Variants in RASA3 observed in about 807,000 individuals in gnomAD.
The protein encoded by RASA3 is ras GTPase-activating protein 3.
In RASA3, 73 loss-of-function variants were observed where a neutral mutation model predicts 110.0. The ratio of observed to expected loss-of-function variants is 0.66; its 90% CI spans 0.55 to 0.81. The LOEUF is 0.81. Among genes scored for constraint, RASA3 ranks in the 30% least tolerant of loss-of-function variants. RASA3 has a pLI of 0.00. For synonymous variants in RASA3, 500 were observed against 451.4 expected, an observed-to-expected ratio of 1.11 and a Z score of -1.37; for missense variants, 976 against 1,113.2, an observed-to-expected ratio of 0.88 and a Z score of 1.75.
Position 113,981,965 on chromosome 13 carries a change from C to A in RASA3, c.2246-107G>T, listed in dbSNP as rs531657266. 8 of 1,004,590 alleles carry A rather than the reference C, an allele frequency of 8.0e-6. No individual in the cohort carries two copies. The South Asian group carries it at 1.0e-4, about 13-fold the overall frequency. 62.2% of individuals were successfully genotyped at this position (1,004,590 alleles called of 1,614,324 possible). A position where few individuals can be genotyped will look rare whatever the true frequency, so the allele number is the denominator to read the frequency against. On this transcript the variant is annotated intron_variant, in intron 22 of 23. Transcript: ENST00000334062. ...CCACCCACAGTACACATCCTTCCAA[C>A]GCAAGCTCCTCCAGAAAGGGCTGAC...
intron 1 of RASA3, among the ~76,000 whole-genome samples, chr13:114,123,496 G>A (rs192722992): frequency 2.6e-5 from 4 of 152,336 alleles, no homozygotes; most frequent in South Asian, 2.1e-4. Flanking sequence ...TGGCTCCAAC[G>A]CCACACGAAC....
chr13:113,977,790 G>A lies in RASA3; in HGVS notation c.*1557C>T, dbSNP rs1490367308. On this transcript the variant is annotated 3_prime_UTR_variant, in exon 24 of 24. Transcript: ENST00000334062. ...GGAAAACCAAGGCAGTCCTCAGAAA[G>A]AATAAAACATCTGTTTTAATTGGCC... 6.6e-6 allele frequency: 1 copy of A among 152,368 alleles called. No individual in the cohort carries two copies. Among genetic ancestry groups the A allele is most frequent in the East Asian group, 1.9e-4 (1 of 5,184 alleles). The allele number at this position is 152,368 out of a possible 1,614,324, so 9.4% of individuals were successfully genotyped here. A position where few individuals can be genotyped will look rare whatever the true frequency, so the allele number is the denominator to read the frequency against.
chr13:114,011,774 T>A lies in RASA3; in HGVS notation c.1513-526A>T, dbSNP rs763469235. 1.5e-4 allele frequency among the ~76,000 whole-genome samples: 23 copies of A among 151,790 alleles called. No homozygotes were observed. Among genetic ancestry groups the A allele is most frequent in the Non-Finnish European group, 2.6e-4 (18 of 67,950 alleles). ...CCCATCTCTAATAAAAATACAAAAT[T>A]AGCTGGGCGTGGTGGCGCACGTCTG... On this transcript the variant is annotated intron_variant, in intron 15 of 23. Coordinates refer to ENST00000334062, the MANE Select transcript of RASA3 (RefSeq NM_007368.4). This position sits in a 1 kb window ranked among gnomAD's most constrained non-coding sequence, Gnocchi z 4.8.
intron 21 of RASA3, among the ~76,000 whole-genome samples, chr13:113,993,806 T>TAA (rs35450759): frequency 0.032 from 2,761 of 85,304 alleles, 112 homozygotes; most frequent in African/African-American, 0.065. Flanking sequence ...AGACTCTGCC[T>TAA]AAAAAAAAAA....
Position 114,014,703 on chromosome 13 carries a change from T to C in RASA3, c.1405+506A>G, listed in dbSNP as rs1008298682. On this transcript the variant is annotated intron_variant, in intron 14 of 23. Transcript: ENST00000334062. The surrounding 1 kb of genome is among the most constrained non-coding windows in gnomAD (Gnocchi z 4.5). The stretch of plus-strand genomic sequence containing the variant: ...CCTAGGGGATCTCCGGCTTGGGGGT[T>C]TGAAGAAAGGGCAGCTCCCCCAGGG... Among the ~76,000 whole-genome samples, 2 of 151,918 alleles carry C rather than the reference T, an allele frequency of 1.3e-5. No individual in the cohort carries two copies. The highest frequency in any genetic ancestry group is 2.4e-5 in the African/African-American group (1 of 41,360).
chr13:114,113,137 A>G (rs955121512), intron 1 of RASA3, among the ~76,000 whole-genome samples: 55 of 152,312 alleles, frequency 3.6e-4, no homozygotes, highest in African/African-American at 1.2e-3. Context: ...CCAGAGCCCA[A>G]CAGCTGCTGT....
intron 1 of RASA3, among the ~76,000 whole-genome samples, chr13:114,104,629 A>G (rs1434970729): frequency 6.6e-6 from 1 of 152,200 alleles, no homozygotes; most frequent in Non-Finnish European, 1.5e-5. Flanking sequence ...GGAGAACCAC[A>G]GCCAAAAGCC....
At chr13:114,015,149 G>C in intron 14 of RASA3, 60 bp downstream of exon 14, 1 of 1,596,330 alleles carries the variant, frequency 6.3e-7, no homozygotes, top group Non-Finnish European at 8.6e-7. Flanking sequence ...CTGGGTGGGA[G>C]TCACCCTGCA....
At chr13:114,026,908 T>C (rs749867730) in intron 7 of RASA3, among the ~76,000 whole-genome samples, 3 of 152,222 alleles carry the variant, frequency 2.0e-5, no homozygotes, top group East Asian at 1.9e-4. Context: ...TGGTGCTTCA[T>C]GTTCTGAGAG....
intron 3 of RASA3, among the ~76,000 whole-genome samples, chr13:114,047,020 C>T (rs1206616333): frequency 6.6e-6 from 1 of 152,170 alleles, no homozygotes; most frequent in East Asian, 1.9e-4. Context: ...GCAAGACTTT[C>T]TTAGACATGA....
intron 3 of RASA3, among the ~76,000 whole-genome samples, chr13:114,047,240 CA>C (rs747725358): frequency 2.0e-5 from 3 of 152,094 alleles, no homozygotes; most frequent in Non-Finnish European, 4.4e-5. Context: ...ATTAAAAGGG[CA>C]AAAGATTTGA....
chr13:114,069,159 C>G (rs1398578338), intron 2 of RASA3, among the ~76,000 whole-genome samples: 1 of 152,080 alleles, frequency 6.6e-6, no homozygotes, highest in Non-Finnish European at 1.5e-5. Context: ...TGAGTTCCGC[C>G]TTTCCTTCCT....
At chr13:114,061,081 T>G (rs373834040) in intron 2 of RASA3, among the ~76,000 whole-genome samples, 29 of 152,156 alleles carry the variant, frequency 1.9e-4, no homozygotes, top group African/African-American at 6.7e-4. Flanking sequence ...TCCCGAGACC[T>G]CGCACAGAAA....
chr13:114,029,802 G>T lies in RASA3; in HGVS notation c.449+9C>A, dbSNP rs774919695. The T allele has an allele frequency of 6.3e-7, 1 of 1,589,160 alleles. No individual in the cohort carries two copies. Among genetic ancestry groups the T allele is most frequent in the Non-Finnish European group, 8.6e-7 (1 of 1,168,184 alleles). On this transcript the variant is annotated intron_variant, in intron 5 of 23. Coordinates refer to ENST00000334062, the MANE Select transcript of RASA3 (RefSeq NM_007368.4). ...TGTGCGCTCGGTCTCTAGTGAGGAC[G>T]TGTCTTACCGTGTGGCGAGCTTGTG...
intron 17 of RASA3, 98 bp from the exon 18 acceptor site, chr13:114,007,704 G>C (rs2053548083): frequency 1.0e-6 from 1 of 986,970 alleles, no homozygotes; most frequent in Non-Finnish European, 1.6e-6. Context: ...TGCCTCCTTT[G>C]TAATACCAGT....
chr13:113,998,503 A>G (rs577944604), intron 20 of RASA3, among the ~76,000 whole-genome samples: 26 of 152,298 alleles, frequency 1.7e-4, no homozygotes, highest in Middle Eastern at 6.8e-3. Flanking sequence ...CGGGGCACAG[A>G]AGGCTTGTCC....
At chr13:113,989,416 T>G (rs1191010187) in intron 22 of RASA3, among the ~76,000 whole-genome samples, 4 of 132,852 alleles carry the variant, frequency 3.0e-5, no homozygotes. Flanking sequence ...CACCCATCCT[T>G]CCATCCACCC....
In RASA3 at chr13:114,057,348, T is replaced by C. The variant is rs2079263080; in HGVS notation, c.174-5193A>G. The C allele has an allele frequency of 1.0e-6, 1 of 985,248 alleles. No homozygotes were observed. The highest frequency in any genetic ancestry group is 4.7e-5 in the South Asian group (1 of 21,288). 61.0% of individuals were successfully genotyped at this position (985,248 alleles called of 1,614,324 possible). Reference sequence around the variant, plus strand: ...CACCAACCACTGTGACCAAGCTTCATTCCCACGAGCTGGACGAGCAGAAGG... The same window carrying C: ...CACCAACCACTGTGACCAAGCTTCACTCCCACGAGCTGGACGAGCAGAAGG... On this transcript the variant is annotated intron_variant, in intron 2 of 23. Coordinates refer to ENST00000334062, the MANE Select transcript of RASA3 (RefSeq NM_007368.4). This position sits in a 1 kb window ranked among gnomAD's most constrained non-coding sequence, Gnocchi z 5.0.
chr13:114,108,068 T>G (rs1301236378), intron 1 of RASA3, among the ~76,000 whole-genome samples: 1 of 151,920 alleles, frequency 6.6e-6, no homozygotes, highest in East Asian at 1.9e-4. Context: ...GGCCACTGGG[T>G]AAGGACCTCT....
Sources: gnomAD v4.1 joint callset for allele counts (sites outside exome capture counted in the v4.1 genomes callset) on GRCh38, gnomAD v4.1.1 for gene constraint, Gnocchi (gnomAD v3.1) non-coding constraint, MANE v1.5 for transcripts, NCBI Gene and HGNC (gene_info 2026-07-23, HGNC 2026-07-21) for gene names.